Variants in ZBTB20 observed in about 807,000 individuals in gnomAD.
ZBTB20 encodes the protein zinc finger and BTB domain-containing protein 20.
Under a neutral mutation model 56.9 loss-of-function variants are expected in ZBTB20, and 9 were observed. The observed-to-expected ratio is 0.16, with a 90% CI of 0.10 to 0.28. The LOEUF (loss-of-function observed/expected upper bound fraction) is 0.28. Among genes scored for constraint, ZBTB20 ranks in the 10% least tolerant of loss-of-function variants. ZBTB20 has a pLI of 1.00. For missense variants in ZBTB20, 655 were observed against 1,003.0 expected, an observed-to-expected ratio of 0.65 and a Z score of 4.69; for synonymous variants, 417 against 420.7, an observed-to-expected ratio of 0.99 and a Z score of 0.11.
intron 2 of ZBTB20, among the ~76,000 whole-genome samples, chr3:115,065,188 A>G (rs2082164107): frequency 6.6e-6 from 1 of 151,946 alleles, no homozygotes; most frequent in South Asian, 2.1e-4. Context: ...ATAAAAGCTT[A>G]TTTCAGTTAT....
intron 5 of ZBTB20, among the ~76,000 whole-genome samples, chr3:114,796,332 G>A (rs1215228106): frequency 1.3e-5 from 2 of 151,906 alleles, no homozygotes; most frequent in Non-Finnish European, 2.9e-5. Context: ...AAGAGAACTC[G>A]GCCTGAGTTT....
At chr3:114,981,089 C>A (rs1319284693) in intron 2 of ZBTB20, among the ~76,000 whole-genome samples, 1 of 151,746 alleles carries the variant, frequency 6.6e-6, no homozygotes, top group Non-Finnish European at 1.5e-5. Context: ...TGAAAAAAAA[C>A]CAAGAATCTT....
intron 6 of ZBTB20, among the ~76,000 whole-genome samples, chr3:114,571,057 T>A (rs1381877701): frequency 6.6e-6 from 1 of 152,140 alleles, no homozygotes; most frequent in Non-Finnish European, 1.5e-5. Context: ...TTGAACTTTG[T>A]AAAAATGTAA....
At chr3:114,696,842 T>C (rs1328529807) in intron 5 of ZBTB20, among the ~76,000 whole-genome samples, 1 of 151,952 alleles carries the variant, frequency 6.6e-6, no homozygotes, top group African/African-American at 2.4e-5. Flanking sequence ...AGATTTATTG[T>C]ACATTTGAGA....
At chr3:114,881,805 C>A (rs1424266017) in intron 4 of ZBTB20, among the ~76,000 whole-genome samples, 1 of 151,636 alleles carries the variant, frequency 6.6e-6, no homozygotes. Flanking sequence ...AAAATTGGTG[C>A]TTTTATTTCA....
chr3:115,005,297 T>C (rs1055124361), intron 2 of ZBTB20, among the ~76,000 whole-genome samples: 45 of 151,970 alleles, frequency 3.0e-4, no homozygotes, highest in Admixed American at 4.6e-4. Context: ...TTGTATTTAT[T>C]GTATGTGTAT....
At chr3:114,674,032 A>G (rs2061500238) in intron 6 of ZBTB20, among the ~76,000 whole-genome samples, 1 of 152,152 alleles carries the variant, frequency 6.6e-6, no homozygotes, top group South Asian at 2.1e-4. Context: ...CTTCCCAGGA[A>G]GAAAATGCTT....
intron 5 of ZBTB20, among the ~76,000 whole-genome samples, chr3:114,757,721 T>G (rs2068108719): frequency 6.6e-6 from 1 of 152,124 alleles, no homozygotes; most frequent in South Asian, 2.1e-4. Context: ...CAAATTACAT[T>G]TTTTAATAAA....
At chr3:114,372,350 G>A (rs993900075) in intron 10 of ZBTB20, among the ~76,000 whole-genome samples, 1 of 152,188 alleles carries the variant, frequency 6.6e-6, no homozygotes, top group Non-Finnish European at 1.5e-5. Context: ...TGCACTGTTT[G>A]GGAGAGCAAT....
chr3:115,022,465 CACTGACA>C (rs2080245548), intron 2 of ZBTB20, among the ~76,000 whole-genome samples: 1 of 151,040 alleles, frequency 6.6e-6, no homozygotes, highest in Non-Finnish European at 1.5e-5. Flanking sequence ...TGAATATTTT[CACTGACA>C]ACTGCTCTTT....
In ZBTB20 at chr3:114,934,078, G is replaced by A. The variant is rs185203977; in HGVS notation, c.-455-33736C>T. On this transcript the variant is annotated intron_variant, in intron 3 of 11. Coordinates refer to ENST00000675478, the MANE Select transcript of ZBTB20 (RefSeq NM_001348800.3). ...TGGAATACCCCACCTTAGAATACAA[G>A]AACCCATTATGTACTTGCCCTTTTC... is the stretch of plus-strand genomic sequence containing the variant. Among the ~76,000 whole-genome samples the A allele has an allele frequency of 7.2e-5, 11 of 152,222 alleles. No individual in the cohort carries two copies. The East Asian group carries it at 2.1e-3, about 29-fold the overall frequency.
At chr3:114,955,557 A>G (rs1346291626) in intron 3 of ZBTB20, among the ~76,000 whole-genome samples, 1 of 152,172 alleles carries the variant, frequency 6.6e-6, no homozygotes, top group Non-Finnish European at 1.5e-5. Context: ...AAGTGGGCCA[A>G]GTTCTCATCA....
chr3:114,773,169 T>C (rs1578802345), intron 5 of ZBTB20, among the ~76,000 whole-genome samples: 1 of 152,124 alleles, frequency 6.6e-6, no homozygotes, highest in Non-Finnish European at 1.5e-5. Context: ...CAGAGTTTCC[T>C]CCAGTTAAGA....
chr3:114,996,686 A>C (rs549141066), intron 2 of ZBTB20, among the ~76,000 whole-genome samples: 9 of 151,914 alleles, frequency 5.9e-5, no homozygotes, highest in Non-Finnish European at 1.3e-4. Context: ...TTTTTATAAC[A>C]TACACATATG....
intron 4 of ZBTB20, among the ~76,000 whole-genome samples, chr3:114,855,399 T>C (rs540291223): frequency 6.6e-6 from 1 of 152,354 alleles, no homozygotes; most frequent in South Asian, 2.1e-4. Context: ...TATTCTCTGA[T>C]CTGCTGATAG....
rs904083290 is a variant in ZBTB20, at chr3:114,833,539, AT to A, written c.-416-32366del. On this transcript the variant is annotated intron_variant, in intron 4 of 11. Transcript: ENST00000675478. ...AACAAGAGAATTTTTTTTATTGTTT[AT>A]TTTTTTTTAGATATGGTTTCACTCT... Among the ~76,000 whole-genome samples, 392 of 150,290 alleles carry A rather than the reference AT, an allele frequency of 2.6e-3. 1 individual carries two copies. Among genetic ancestry groups the A allele is most frequent in the African/African-American group, 9.1e-3 (374 of 40,966 alleles).
chr3:114,667,445 C>G (rs941782636), intron 6 of ZBTB20, among the ~76,000 whole-genome samples: 2 of 151,978 alleles, frequency 1.3e-5, no homozygotes, highest in African/African-American at 4.8e-5. Context: ...GAAATGGGTC[C>G]ATACTATACT....
At chr3:115,015,462 T>G (rs552362825) in intron 2 of ZBTB20, among the ~76,000 whole-genome samples, 1 of 151,884 alleles carries the variant, frequency 6.6e-6, no homozygotes, top group East Asian at 2.0e-4. Context: ...ATGCTCTCAC[T>G]TCCCCCAACC....
At chr3:114,508,735 T>C (rs1198357295) in intron 6 of ZBTB20, among the ~76,000 whole-genome samples, 4 of 151,716 alleles carry the variant, frequency 2.6e-5, no homozygotes, top group South Asian at 2.1e-4. Context: ...GAGAAAGAAA[T>C]GTAGTTTTAT....
Sources: gnomAD v4.1 joint callset for allele counts (sites outside exome capture counted in the v4.1 genomes callset) on GRCh38, gnomAD v4.1.1 for gene constraint, MANE v1.5 for transcripts, NCBI Gene and HGNC (gene_info 2026-07-23, HGNC 2026-07-21) for gene names.